The following SDK1 variants were observed in gnomAD, a reference collection of about 807,000 sequenced individuals.
SDK1 encodes the protein protein sidekick-1.
Under a neutral mutation model 245.5 loss-of-function variants are expected in SDK1, and 157 were observed. That is an observed-to-expected ratio of 0.64 (90% CI 0.56 to 0.73). SDK1 has a LOEUF of 0.73. Ranked by LOEUF, SDK1 falls within the 30% of genes least tolerant of loss-of-function variation. The pLI, the probability that SDK1 is intolerant of heterozygous loss-of-function variation, is 0.00. For missense variants in SDK1, 3,583 were observed against 3,002.3 expected (o/e 1.19, Z -4.52); for synonymous variants, 1,647 against 1,278.5 (o/e 1.29, Z -6.15).
intron 4 of SDK1, among the ~76,000 whole-genome samples, chr7:3,679,685 T>C (rs1671615576): frequency 6.6e-6 from 1 of 152,218 alleles, no homozygotes; most frequent in Admixed American, 6.5e-5. Flanking sequence ...GAAAGCGCAC[T>C]TTCAAACCAC....
chr7:3,570,922 T>C (rs1303994902), intron 1 of SDK1, among the ~76,000 whole-genome samples: 1 of 151,306 alleles, frequency 6.6e-6, no homozygotes, highest in Non-Finnish European at 1.5e-5. Context: ...TCCAGGGTGA[T>C]TTATGTGTTT....
Position 3,602,802 on chromosome 7 carries a change from A to G in SDK1, c.299-16278A>G, listed in dbSNP as rs1486211737. Among the ~76,000 whole-genome samples, 130 of 151,082 alleles carry G rather than the reference A, an allele frequency of 8.6e-4. 1 individual carries two copies. Among genetic ancestry groups the G allele is most frequent in the Admixed American group, 2.1e-3 (32 of 15,158 alleles). On this transcript the variant is annotated intron_variant, in intron 1 of 44. Coordinates refer to ENST00000404826, the MANE Select transcript of SDK1 (RefSeq NM_152744.4). ...CTAGGTTTTCTTCTAGGGTTTTTATAGTTTTAGGTCTAACATTTAAGTCTT... is the reference window on the plus strand; with the variant it reads ...CTAGGTTTTCTTCTAGGGTTTTTATGGTTTTAGGTCTAACATTTAAGTCTT...
At chr7:3,468,248 C>T (rs894699992) in intron 1 of SDK1, among the ~76,000 whole-genome samples, 1 of 152,002 alleles carries the variant, frequency 6.6e-6, no homozygotes, top group East Asian at 1.9e-4. Flanking sequence ...TCTCTCATGT[C>T]CAGTGATGTG....
At chr7:3,881,196 C>T (rs1781200434) in intron 5 of SDK1, among the ~76,000 whole-genome samples, 2 of 152,008 alleles carry the variant, frequency 1.3e-5, no homozygotes, top group African/African-American at 2.4e-5. Context: ...CGAATCAACC[C>T]ACCACCTAGG....
intron 5 of SDK1, among the ~76,000 whole-genome samples, chr7:3,920,159 G>A (rs1779537492): frequency 6.6e-6 from 1 of 152,202 alleles, no homozygotes; most frequent in Admixed American, 6.5e-5. Context: ...ATGGAGAGCA[G>A]CACTGAGGAT....
chr7:4,163,818 T>C (rs1157477882), intron 32 of SDK1, among the ~76,000 whole-genome samples: 1 of 152,180 alleles, frequency 6.6e-6, no homozygotes, highest in East Asian at 1.9e-4. Flanking sequence ...GGGCTCCGCT[T>C]TCACCCTCTT....
intron 11 of SDK1, 57 bp downstream of exon 11, chr7:3,969,481 C>A: frequency 7.3e-7 from 1 of 1,371,964 alleles, no homozygotes; most frequent in South Asian, 1.8e-5. Flanking sequence ...ATCATCACGT[C>A]ATCGTGTGCT....
chr7:3,592,756 G>T (rs1780920115), intron 1 of SDK1, among the ~76,000 whole-genome samples: 1 of 152,108 alleles, frequency 6.6e-6, no homozygotes, highest in Non-Finnish European at 1.5e-5. Context: ...AAAGAACTTT[G>T]CTCTATCGTA....
At chr7:4,204,329 C>T (rs532866267) in intron 35 of SDK1, among the ~76,000 whole-genome samples, 6 of 152,166 alleles carry the variant, frequency 3.9e-5, no homozygotes, top group South Asian at 4.1e-4. Flanking sequence ...TTTAATGGGG[C>T]GGTAAATAAG....
At chr7:3,416,175 T>C (rs529048869) in intron 1 of SDK1, among the ~76,000 whole-genome samples, 7 of 152,344 alleles carry the variant, frequency 4.6e-5, no homozygotes, top group African/African-American at 9.6e-5. Flanking sequence ...TATAAATCTT[T>C]ATGGCTTTGT....
At chr7:3,644,200 T>A (rs975591081) in intron 4 of SDK1, among the ~76,000 whole-genome samples, 1 of 149,876 alleles carries the variant, frequency 6.7e-6, no homozygotes, top group Admixed American at 6.7e-5. Context: ...CCACTTAAGC[T>A]TATTTCACAA....
chr7:3,898,377 C>A (rs1258311688), intron 5 of SDK1, among the ~76,000 whole-genome samples: 1 of 152,218 alleles, frequency 6.6e-6, no homozygotes, highest in African/African-American at 2.4e-5. Flanking sequence ...AATGTCACAT[C>A]ATGATGCCAT....
At chr7:3,844,821 T>C (rs577392842) in intron 5 of SDK1, among the ~76,000 whole-genome samples, 1 of 152,342 alleles carries the variant, frequency 6.6e-6, no homozygotes, top group South Asian at 2.1e-4. Flanking sequence ...ACAAGAGCCC[T>C]AATTTTTATC....
intron 22 of SDK1, among the ~76,000 whole-genome samples, chr7:4,103,684 C>T (rs2128188198): frequency 6.6e-6 from 1 of 152,244 alleles, no homozygotes; most frequent in South Asian, 2.1e-4. Context: ...GAGGCTGGAC[C>T]CTGGGAGAGA....
intron 1 of SDK1, among the ~76,000 whole-genome samples, chr7:3,433,923 A>G (rs947052379): frequency 6.6e-6 from 1 of 152,208 alleles, no homozygotes; most frequent in Non-Finnish European, 1.5e-5. Context: ...ATAATGATTT[A>G]TTAATAAGTT....
chr7:3,426,874 C>G (rs1327526658), intron 1 of SDK1, among the ~76,000 whole-genome samples: 1 of 152,228 alleles, frequency 6.6e-6, no homozygotes, highest in African/African-American at 2.4e-5. Flanking sequence ...TCATGGTTTT[C>G]TGTCATCCTT....
intron 28 of SDK1, among the ~76,000 whole-genome samples, chr7:4,137,195 T>A (rs1779150935): frequency 6.6e-6 from 1 of 152,212 alleles, no homozygotes; most frequent in African/African-American, 2.4e-5. Flanking sequence ...CTCAGGGGGC[T>A]GAGGCATGAG....
intron 22 of SDK1, among the ~76,000 whole-genome samples, chr7:4,106,856 A>G (rs1432730892): frequency 6.6e-6 from 1 of 151,782 alleles, no homozygotes; most frequent in Non-Finnish European, 1.5e-5. Flanking sequence ...CTGACCCCGC[A>G]GCAGCCCCTG....
intron 17 of SDK1, among the ~76,000 whole-genome samples, chr7:4,047,316 G>A (rs1275686546): frequency 6.6e-6 from 1 of 152,116 alleles, no homozygotes; most frequent in Non-Finnish European, 1.5e-5. Flanking sequence ...CACATCTTGA[G>A]CCAGCCTTCC....
Sources: allele counts gnomAD v4.1 joint callset (sites outside exome capture counted in the v4.1 genomes callset), GRCh38; gene constraint gnomAD v4.1.1; transcripts MANE v1.5; gene names NCBI Gene and HGNC (gene_info 2026-07-23, HGNC 2026-07-21).